The following VCL variants were observed in gnomAD, a reference collection of about 807,000 sequenced individuals.
VCL encodes the protein vinculin.
In VCL, 47 loss-of-function variants were observed where a neutral mutation model predicts 125.7. That is an observed-to-expected ratio of 0.37 (90% CI 0.30 to 0.48). The LOEUF is 0.48. VCL is among the 20% of genes least tolerant of loss of function. The probability of loss-of-function intolerance (pLI) is 0.99; values close to 1 mark genes in which losing one functional copy is unlikely to be tolerated. For synonymous variants in VCL, 458 were observed against 514.6 expected (o/e 0.89, Z 1.49); for missense variants, 1,069 against 1,455.5 (o/e 0.73, Z 4.32).
At chr10:74,109,384 A>G (rs1490431055) in intron 18 of VCL, among the ~76,000 whole-genome samples, 1 of 152,148 alleles carries the variant, frequency 6.6e-6, no homozygotes, top group African/African-American at 2.4e-5. Flanking sequence ...GGTGCCTGTG[A>G]TTTGAGAAGA....
At chr10:74,044,712 AAAC>A in intron 2 of VCL, among the ~76,000 whole-genome samples, 1 of 152,334 alleles carries the variant, frequency 6.6e-6, no homozygotes, top group Middle Eastern at 3.4e-3. Flanking sequence ...TCCATATAAA[AAAC>A]ATTTCTATCA....
At chr10:74,107,521 G>A (rs137880028) in intron 17 of VCL, among the ~76,000 whole-genome samples, 167 bp downstream of exon 17, 3 of 152,278 alleles carry the variant, frequency 2.0e-5, no homozygotes, top group African/African-American at 7.2e-5. Flanking sequence ...ATCCAGTGGA[G>A]TTATAACCTA....
At chr10:74,086,098 C>G (rs922275088) in intron 8 of VCL, among the ~76,000 whole-genome samples, 2 of 152,150 alleles carry the variant, frequency 1.3e-5, no homozygotes, top group East Asian at 3.8e-4. Flanking sequence ...AACTCCTGAC[C>G]TCAGGTGATC....
chr10:74,010,097 G>A (rs543314351), intron 1 of VCL, among the ~76,000 whole-genome samples: 103 of 151,732 alleles, frequency 6.8e-4, no homozygotes, highest in Non-Finnish European at 1.4e-3. Flanking sequence ...CTAATTTTTT[G>A]TATTTTTAGT....
intron 15 of VCL, among the ~76,000 whole-genome samples, chr10:74,104,372 C>T (rs977022636): frequency 2.0e-5 from 3 of 152,112 alleles, no homozygotes; most frequent in Non-Finnish European, 2.9e-5. Flanking sequence ...TTATCAACTA[C>T]GTAGTTTTTT....
At chr10:74,089,994 G>A (rs1839851605) in intron 9 of VCL, 29 bp from the exon 10 acceptor site, 1 of 1,614,050 alleles carries the variant, frequency 6.2e-7, no homozygotes, top group Non-Finnish European at 8.5e-7. Flanking sequence ...GTAGATCACA[G>A]CGTGCTGCTT....
chr10:74,063,470 T>A (rs1465974201), intron 2 of VCL, among the ~76,000 whole-genome samples: 4 of 152,208 alleles, frequency 2.6e-5, no homozygotes, highest in Non-Finnish European at 5.9e-5. Flanking sequence ...GGCTGCCTGC[T>A]TTCCTTGGCT....
In VCL at chr10:74,071,117, A is replaced by G. The variant is rs1841657671; in HGVS notation, c.499+34A>G. 6.2e-7 allele frequency: 1 copy of G among 1,603,284 alleles called. No individual in the cohort carries two copies. Among genetic ancestry groups the G allele is most frequent in the African/African-American group, 1.3e-5 (1 of 74,702 alleles). On this transcript the variant is annotated intron_variant, in intron 4 of 21. Coordinates refer to ENST00000211998, the MANE Select transcript of VCL (RefSeq NM_014000.3). The surrounding 1 kb of genome is among the most constrained non-coding windows in gnomAD (Gnocchi z 4.1). ...TATCCAATTTCTATAACATTTTTTAAGGATTGTCCATGTTGGAGCCAAAGG... is the reference window on the plus strand; with the variant it reads ...TATCCAATTTCTATAACATTTTTTAGGGATTGTCCATGTTGGAGCCAAAGG...
chr10:74,038,634 A>T (rs1341539602), intron 1 of VCL, among the ~76,000 whole-genome samples: 1 of 152,196 alleles, frequency 6.6e-6, no homozygotes, highest in African/African-American at 2.4e-5. Flanking sequence ...CATTTAAATA[A>T]ATGCCCTTGA....
chr10:74,108,163 T>TGGG (rs1840166863), intron 17 of VCL, among the ~76,000 whole-genome samples: 1 of 152,242 alleles, frequency 6.6e-6, no homozygotes, highest in Admixed American at 6.5e-5. Context: ...TCTTAGATTC[T>TGGG]TCCCAGCTGG....
rs1839983396 is a variant in VCL at position 74,097,251 on chromosome 10, T to A, written c.1791T>A (p.Asp597Glu). The change falls in exon 13 of 22, where the codon GAT (aspartate) becomes GAA (glutamate). Residue 597 changes from aspartate to glutamate, a missense_variant. By Grantham distance (45) the Asp-to-Glu change is conservative (BLOSUM62 2). Transcript: ENST00000211998. This position sits in a 1 kb window ranked among gnomAD's most constrained non-coding sequence, Gnocchi z 4.1. ...MQEAMTQEVSDVFSDTTTPIK... is the reference protein window; with the variant it reads ...MQEAMTQEVSEVFSDTTTPIK... ...AGGCCATGACTCAGGAAGTGTCAGA[T>A]GTTTTCAGCGATACCACAACTCCCA... 1 of 1,614,130 alleles carries A rather than the reference T, an allele frequency of 6.2e-7. No homozygotes were observed. Among genetic ancestry groups the A allele is most frequent in the Non-Finnish European group, 8.5e-7 (1 of 1,180,004 alleles).
chr10:74,050,165 G>A (rs1259622897), intron 2 of VCL, among the ~76,000 whole-genome samples: 2 of 152,162 alleles, frequency 1.3e-5, no homozygotes, highest in Non-Finnish European at 2.9e-5. Flanking sequence ...CTTTCATTTC[G>A]AACTGGACAG....
At chr10:74,023,649 G>A (rs1840716103) in intron 1 of VCL, among the ~76,000 whole-genome samples, 1 of 152,142 alleles carries the variant, frequency 6.6e-6, no homozygotes. Context: ...TCAATATCTA[G>A]GCTGCAGTAT....
At chr10:74,028,754 G>A (rs914551671) in intron 1 of VCL, among the ~76,000 whole-genome samples, 5 of 152,036 alleles carry the variant, frequency 3.3e-5, no homozygotes, top group Admixed American at 6.5e-5. Flanking sequence ...ATTAGTAAAA[G>A]GTGTTCATTT....
intron 2 of VCL, among the ~76,000 whole-genome samples, chr10:74,069,547 C>T (rs1841629070): frequency 6.6e-6 from 1 of 152,120 alleles, no homozygotes; most frequent in African/African-American, 2.4e-5. Context: ...TTCTGTATTA[C>T]TTCATTTATC....
At chr10:74,013,651 C>G (rs370913737) in intron 1 of VCL, among the ~76,000 whole-genome samples, 6 of 152,178 alleles carry the variant, frequency 3.9e-5, no homozygotes, top group African/African-American at 1.4e-4. Flanking sequence ...TTGACACCTT[C>G]GAGATAGGTA....
chr10:74,094,233 G>A, intron 10 of VCL, 38 bp from the exon 11 acceptor site: 1 of 1,613,046 alleles, frequency 6.2e-7, no homozygotes, highest in Non-Finnish European at 8.5e-7. Flanking sequence ...TGTAAATAGT[G>A]TTTATGTGTG....
intron 1 of VCL, among the ~76,000 whole-genome samples, chr10:74,001,628 A>G (rs1460671656): frequency 6.6e-6 from 1 of 152,334 alleles, no homozygotes; most frequent in South Asian, 2.1e-4. Context: ...GTGGCAGGGA[A>G]AATGGAGAAG....
intron 17 of VCL, among the ~76,000 whole-genome samples, chr10:74,107,710 G>C (rs75727096): frequency 0.017 from 2,564 of 152,184 alleles, 76 homozygotes; most frequent in African/African-American, 0.058. Context: ...GAGATTTGGT[G>C]TGTTCTTAGT....
Sources: allele counts gnomAD v4.1 joint callset (sites outside exome capture counted in the v4.1 genomes callset), GRCh38; gene constraint gnomAD v4.1.1; non-coding constraint Gnocchi (gnomAD v3.1); transcripts MANE v1.5; gene names NCBI Gene and HGNC (gene_info 2026-07-23, HGNC 2026-07-21).